The following OSBPL10 variants were observed in gnomAD, a reference collection of about 807,000 sequenced individuals.
OSBPL10 encodes the protein oxysterol-binding protein-related protein 10.
In OSBPL10, 49 loss-of-function variants were observed where a neutral mutation model predicts 81.7. The ratio of observed to expected loss-of-function variants is 0.60; its 90% CI spans 0.48 to 0.76. The LOEUF (loss-of-function observed/expected upper bound fraction) is 0.76, where lower values mean the gene tolerates loss of function less well. Among genes scored for constraint, OSBPL10 ranks in the 30% least tolerant of loss-of-function variants. The probability of loss-of-function intolerance (pLI) is 0.00; values close to 1 mark genes in which losing one functional copy is unlikely to be tolerated. For missense variants in OSBPL10, 923 were observed against 987.8 expected (o/e 0.93, Z 0.88); for synonymous variants, 419 against 383.6 (o/e 1.09, Z -1.08).
intron 3 of OSBPL10, among the ~76,000 whole-genome samples, chr3:31,843,951 G>T (rs1307475425): frequency 1.3e-5 from 2 of 152,162 alleles, no homozygotes; most frequent in African/African-American, 4.8e-5. Context: ...GCAGAGAGAG[G>T]GCAGATGAGG....
intron 1 of OSBPL10, among the ~76,000 whole-genome samples, chr3:31,976,473 G>T (rs1053783403): frequency 6.6e-6 from 1 of 152,190 alleles, no homozygotes; most frequent in Non-Finnish European, 1.5e-5. Context: ...CTACTTTAGA[G>T]ACAGAGTCTT....
chr3:31,997,821 G>A (rs754534362), intron 2 of OSBPL10, among the ~76,000 whole-genome samples: 13 of 151,948 alleles, frequency 8.6e-5, no homozygotes, highest in African/African-American at 2.2e-4. Flanking sequence ...TTACTCTGTC[G>A]CCCAGGCAGG....
At chr3:31,833,885 G>A (rs1369895625) in intron 3 of OSBPL10, among the ~76,000 whole-genome samples, 3 of 152,094 alleles carry the variant, frequency 2.0e-5, no homozygotes, top group African/African-American at 2.4e-5. Flanking sequence ...ATTATTCCAC[G>A]GTGGATGTCT....
intron 2 of OSBPL10, among the ~76,000 whole-genome samples, chr3:32,028,535 A>G (rs1370687545): frequency 6.6e-6 from 1 of 152,226 alleles, no homozygotes; most frequent in Non-Finnish European, 1.5e-5. Context: ...TGTTTTGGAT[A>G]CATACATACA....
chr3:31,834,711 C>T (rs1288124948), intron 3 of OSBPL10, among the ~76,000 whole-genome samples: 1 of 152,190 alleles, frequency 6.6e-6, no homozygotes. Flanking sequence ...TCAAGGTAAT[C>T]GGGTAACAAG....
At chr3:31,915,130 C>T (rs1696715780) in intron 1 of OSBPL10, among the ~76,000 whole-genome samples, 1 of 151,940 alleles carries the variant, frequency 6.6e-6, no homozygotes, top group South Asian at 2.1e-4. Context: ...ATCGTATCCT[C>T]ATCTGCATCC....
intron 1 of OSBPL10, among the ~76,000 whole-genome samples, chr3:31,912,167 A>G (rs937818762): frequency 6.6e-6 from 1 of 152,130 alleles, no homozygotes; most frequent in African/African-American, 2.4e-5. Context: ...GGGCCGAGGC[A>G]GGCAGATCAT....
At chr3:31,873,320 AGTAGTC>A (rs1314495754) in intron 3 of OSBPL10, among the ~76,000 whole-genome samples, 1 of 152,186 alleles carries the variant, frequency 6.6e-6, no homozygotes, top group Non-Finnish European at 1.5e-5. Context: ...TGAAAAAAAG[AGTAGTC>A]GTTTATTTTA....
At chr3:31,910,646 T>A (rs1021143813) in intron 1 of OSBPL10, among the ~76,000 whole-genome samples, 36 of 150,728 alleles carry the variant, frequency 2.4e-4, no homozygotes, top group African/African-American at 7.3e-4. Context: ...AAAAAAAAAA[T>A]AAAAATAAAA....
chr3:32,035,562 C>CAAA (rs35533294), intron 2 of OSBPL10, among the ~76,000 whole-genome samples: 95 of 90,258 alleles, frequency 1.1e-3, no homozygotes, highest in African/African-American at 1.6e-3. Flanking sequence ...AACTCTGTCT[C>CAAA]AAAAAAAAAA....
intron 5 of OSBPL10, among the ~76,000 whole-genome samples, chr3:31,735,623 TC>T: frequency 6.6e-6 from 1 of 152,286 alleles, no homozygotes; most frequent in African/African-American, 2.4e-5. Context: ...TTCATGACAG[TC>T]TTAGAGTGTT....
intron 4 of OSBPL10, among the ~76,000 whole-genome samples, chr3:31,760,445 T>A (rs1353064150): frequency 6.6e-6 from 1 of 152,232 alleles, no homozygotes; most frequent in Non-Finnish European, 1.5e-5. Flanking sequence ...TAATAATGTC[T>A]GCATATCCTC....
At chr3:31,990,134 G>C (rs775601463) in intron 2 of OSBPL10, 9 of 1,611,476 alleles carry the variant, frequency 5.6e-6, no homozygotes, top group Non-Finnish European at 7.6e-6. Flanking sequence ...AAGGCTTTCA[G>C]GCGTGATTCA....
intron 1 of OSBPL10, among the ~76,000 whole-genome samples, chr3:31,891,115 C>T (rs187122347): frequency 6.6e-6 from 1 of 152,282 alleles, no homozygotes; most frequent in East Asian, 1.9e-4. Context: ...TAAATTCCAC[C>T]GTCCCTGAAT....
intron 6 of OSBPL10, chr3:31,732,919 C>CA: frequency 3.1e-6 from 1 of 319,952 alleles, no homozygotes; most frequent in Non-Finnish European, 5.8e-6. Context: ...AGGGGAGCGA[C>CA]ATAATATATT....
intron 1 of OSBPL10, among the ~76,000 whole-genome samples, chr3:31,903,794 A>C (rs1418346797): frequency 1.3e-5 from 2 of 152,196 alleles, no homozygotes; most frequent in Non-Finnish European, 2.9e-5. Flanking sequence ...AAGAGTATAT[A>C]AAATCTTCTA....
chr3:31,775,373 G>A (rs1223935854), intron 4 of OSBPL10, among the ~76,000 whole-genome samples: 7 of 152,150 alleles, frequency 4.6e-5, no homozygotes, highest in African/African-American at 1.7e-4. Flanking sequence ...CCAGGGGAAA[G>A]AGGATAGGAC....
intron 1 of OSBPL10, among the ~76,000 whole-genome samples, chr3:31,948,289 G>T (rs1697761636): frequency 6.6e-6 from 1 of 152,080 alleles, no homozygotes; most frequent in Non-Finnish European, 1.5e-5. Flanking sequence ...TCATCATTAT[G>T]AGTCTTTTCA....
intron 1 of OSBPL10, among the ~76,000 whole-genome samples, chr3:31,920,497 G>A (rs1261434389): frequency 6.6e-6 from 1 of 152,174 alleles, no homozygotes; most frequent in Non-Finnish European, 1.5e-5. Context: ...CATAAGAATT[G>A]TACTCTAGCT....
Sources: gnomAD v4.1 joint callset for allele counts (sites outside exome capture counted in the v4.1 genomes callset) on GRCh38, gnomAD v4.1.1 for gene constraint, MANE v1.5 for transcripts, NCBI Gene and HGNC (gene_info 2026-07-23, HGNC 2026-07-21) for gene names.